Variants in ADIPOR2 observed in about 807,000 individuals in gnomAD.
ADIPOR2 encodes the protein adiponectin receptor protein 2.
A neutral mutation model predicts 40.9 loss-of-function variants in ADIPOR2; 18 were observed. That is an observed-to-expected ratio of 0.44 (90% CI 0.30 to 0.65). The LOEUF (loss-of-function observed/expected upper bound fraction) is 0.65. ADIPOR2 is among the 30% of genes least tolerant of loss of function. ADIPOR2 has a pLI of 0.09. For synonymous variants in ADIPOR2, 165 were observed against 166.4 expected, an observed-to-expected ratio of 0.99 and a Z score of 0.06; for missense variants, 283 against 479.2, an observed-to-expected ratio of 0.59 and a Z score of 3.82.
At chr12:1,746,856 T>A (rs1352656278) in intron 1 of ADIPOR2, among the ~76,000 whole-genome samples, 1 of 152,064 alleles carries the variant, frequency 6.6e-6, no homozygotes, top group Non-Finnish European at 1.5e-5. Flanking sequence ...TAGTGAGACC[T>A]TGTCTCTACT....
intron 1 of ADIPOR2, among the ~76,000 whole-genome samples, chr12:1,691,916 A>G (rs2094627952): frequency 6.6e-6 from 1 of 152,194 alleles, no homozygotes; most frequent in Non-Finnish European, 1.5e-5. Context: ...AGATGGTCCA[A>G]AAGTGAATTT....
intron 1 of ADIPOR2, among the ~76,000 whole-genome samples, chr12:1,701,983 G>A (rs1256594444): frequency 2.6e-5 from 4 of 152,116 alleles, no homozygotes; most frequent in East Asian, 1.9e-4. Context: ...TTAGCTGGGC[G>A]GGGTGGCGCG....
At chr12:1,726,628 C>T (rs1219744751) in intron 1 of ADIPOR2, among the ~76,000 whole-genome samples, 1 of 151,840 alleles carries the variant, frequency 6.6e-6, no homozygotes, top group African/African-American at 2.4e-5. Flanking sequence ...TTTCAGAATT[C>T]TTCACAGTGA....
intron 2 of ADIPOR2, among the ~76,000 whole-genome samples, chr12:1,758,549 A>G (rs988676026): frequency 7.9e-5 from 12 of 152,220 alleles, no homozygotes; most frequent in African/African-American, 1.4e-4. Flanking sequence ...AAGAGAATCT[A>G]TATGCAGTAC....
At chr12:1,762,027 A>G (rs909517057) in intron 2 of ADIPOR2, among the ~76,000 whole-genome samples, 4 of 152,146 alleles carry the variant, frequency 2.6e-5, no homozygotes, top group Non-Finnish European at 4.4e-5. Flanking sequence ...ATTCTTCTCC[A>G]TGTTCATTGA....
intron 2 of ADIPOR2, among the ~76,000 whole-genome samples, chr12:1,764,910 T>G (rs1332834218): frequency 6.6e-6 from 1 of 152,192 alleles, no homozygotes; most frequent in Non-Finnish European, 1.5e-5. Flanking sequence ...TTCTTTATAT[T>G]ACTGTACCAA....
At chr12:1,783,253 G>A (rs1327846488) in intron 6 of ADIPOR2, among the ~76,000 whole-genome samples, 1 of 151,998 alleles carries the variant, frequency 6.6e-6, no homozygotes, top group East Asian at 1.9e-4. Flanking sequence ...TGCTTGTATT[G>A]TAACCTGTGT....
intron 1 of ADIPOR2, among the ~76,000 whole-genome samples, chr12:1,738,242 A>G (rs749758347): frequency 6.7e-6 from 1 of 149,888 alleles, no homozygotes; most frequent in African/African-American, 2.4e-5. Flanking sequence ...TTAACCAGGC[A>G]TGGTGGTATG....
In ADIPOR2 at chr12:1,780,440, CT is replaced by C; in HGVS notation, c.464-6del. 1 of 1,584,862 alleles carries C rather than the reference CT, an allele frequency of 6.3e-7. No homozygotes were observed. The highest frequency in any genetic ancestry group is 1.9e-5 in the Admixed American group (1 of 53,614). On this transcript the variant is annotated splice_polypyrimidine_tract_variant and intron_variant, in intron 4 of 7. Transcript: ENST00000357103. ...TGATATTTTATCTATTTTCTGTGCT[CT>C]TTTTCCTAGGTTGTGTATTCTTCCT...
intron 1 of ADIPOR2, among the ~76,000 whole-genome samples, chr12:1,705,210 A>G (rs2154441553): frequency 1.3e-5 from 2 of 152,328 alleles, no homozygotes; most frequent in Middle Eastern, 3.4e-3. Flanking sequence ...GAAGTAGTTT[A>G]AACAGTGGGC....
At chr12:1,784,121 A>T in intron 7 of ADIPOR2, 48 bp downstream of exon 7, 1 of 1,457,556 alleles carries the variant, frequency 6.9e-7, no homozygotes, top group Non-Finnish European at 9.1e-7. Context: ...CTCATGAGTT[A>T]TTGGCATCCT....
chr12:1,734,786 G>A (rs1259297259), intron 1 of ADIPOR2, among the ~76,000 whole-genome samples: 4 of 152,186 alleles, frequency 2.6e-5, no homozygotes, highest in African/African-American at 9.6e-5. Context: ...TGTATAAGGT[G>A]TAAGGAAGGG....
chr12:1,729,306 C>T (rs966852847), intron 1 of ADIPOR2, among the ~76,000 whole-genome samples: 1 of 151,876 alleles, frequency 6.6e-6, no homozygotes, highest in Non-Finnish European at 1.5e-5. Flanking sequence ...TATTTCTAGA[C>T]TTTCTTGACT....
intron 1 of ADIPOR2, among the ~76,000 whole-genome samples, chr12:1,723,171 T>TA (rs2094701066): frequency 6.6e-6 from 1 of 152,182 alleles, no homozygotes; most frequent in African/African-American, 2.4e-5. Flanking sequence ...AGCAGATTGT[T>TA]AAAGACATAG....
chr12:1,784,164 C>G, intron 7 of ADIPOR2, 91 bp downstream of exon 7: 2 of 1,357,630 alleles, frequency 1.5e-6, no homozygotes, highest in Non-Finnish European at 2.0e-6. Context: ...GTTTTAGACA[C>G]AAAGTCAGGA....
intron 1 of ADIPOR2, among the ~76,000 whole-genome samples, chr12:1,728,070 C>G (rs1175969725): frequency 6.6e-6 from 1 of 151,840 alleles, no homozygotes; most frequent in African/African-American, 2.4e-5. Flanking sequence ...AGAACACTTT[C>G]TAGTTACTTG....
At position 1,743,338 on chromosome 12, in the gene ADIPOR2, A is replaced by G. The variant is rs539628020; in HGVS notation, c.-86-10920A>G. ...AAAAAAAAAAAAAAAAAGAAATTCT[A>G]TGAGTCTTAAATTACATCAAGTAAC... On this transcript the variant is annotated intron_variant, in intron 1 of 7. Coordinates refer to ENST00000357103, the MANE Select transcript of ADIPOR2 (RefSeq NM_024551.3). Among the ~76,000 whole-genome samples the G allele has an allele frequency of 1.8e-3, 257 of 142,584 alleles. 3 individuals carry two copies. Among genetic ancestry groups the G allele is most frequent in the African/African-American group, 6.2e-3 (243 of 38,904 alleles). 93.5% of individuals were successfully genotyped at this position (142,584 alleles called of 152,430 possible).
At chr12:1,732,585 A>C (rs1266024170) in intron 1 of ADIPOR2, among the ~76,000 whole-genome samples, 1 of 152,168 alleles carries the variant, frequency 6.6e-6, no homozygotes, top group Non-Finnish European at 1.5e-5. Flanking sequence ...GTTACTTCCC[A>C]GTTTTGGCAG....
intron 1 of ADIPOR2, among the ~76,000 whole-genome samples, chr12:1,713,093 T>C (rs962054341): frequency 2.0e-5 from 3 of 152,144 alleles, no homozygotes; most frequent in Non-Finnish European, 2.9e-5. Context: ...AGGTGAGGGC[T>C]ATCCCTGAAC....
Sources: gnomAD v4.1 joint callset for allele counts (sites outside exome capture counted in the v4.1 genomes callset) on GRCh38, gnomAD v4.1.1 for gene constraint, MANE v1.5 for transcripts, NCBI Gene and HGNC (gene_info 2026-07-23, HGNC 2026-07-21) for gene names.